The following ERC2 variants were observed in gnomAD, a reference collection of about 807,000 sequenced individuals.
ERC2 encodes ERC protein 2.
Under a neutral mutation model 114.8 loss-of-function variants are expected in ERC2, and 42 were observed. The observed-to-expected ratio is 0.37, with a 90% CI of 0.29 to 0.47. The LOEUF is 0.47. Ranked by LOEUF, ERC2 falls within the 20% of genes least tolerant of loss-of-function variation. The probability of loss-of-function intolerance (pLI) is 0.99; values close to 1 mark genes in which losing one functional copy is unlikely to be tolerated. For synonymous variants in ERC2, 454 were observed against 425.5 expected (o/e 1.07, Z -0.82); for missense variants, 939 against 1,150.7 (o/e 0.82, Z 2.66).
intron 17 of ERC2, among the ~76,000 whole-genome samples, chr3:55,628,121 T>C (rs1012557641): frequency 1.4e-4 from 22 of 152,212 alleles, no homozygotes; most frequent in Admixed American, 4.6e-4. Flanking sequence ...CCATTTTTCT[T>C]CCCAAGGAAG....
chr3:55,895,457 T>G (rs6445756), intron 13 of ERC2, among the ~76,000 whole-genome samples: 3,298 of 152,262 alleles, frequency 0.022, 118 homozygotes, highest in African/African-American at 0.075. Flanking sequence ...AGTGAAATAA[T>G]GCATGGAAAG....
intron 7 of ERC2, among the ~76,000 whole-genome samples, chr3:56,044,689 T>C (rs1027092830): frequency 2.0e-5 from 3 of 152,092 alleles, no homozygotes; most frequent in Non-Finnish European, 2.9e-5. Flanking sequence ...TAAGAAGAGA[T>C]AGCATTTCAA....
At chr3:55,640,759 C>G (rs952277428) in intron 17 of ERC2, among the ~76,000 whole-genome samples, 1 of 152,188 alleles carries the variant, frequency 6.6e-6, no homozygotes, top group African/African-American at 2.4e-5. Context: ...AGCCCTTCAA[C>G]TCCACAACAG....
intron 14 of ERC2, among the ~76,000 whole-genome samples, chr3:55,758,383 C>A (rs2067195421): frequency 6.6e-6 from 1 of 152,188 alleles, no homozygotes; most frequent in Non-Finnish European, 1.5e-5. Context: ...TGAGGAAGAT[C>A]CCCCAAACTC....
chr3:56,021,816 T>C (rs1404155507), intron 7 of ERC2, among the ~76,000 whole-genome samples: 7 of 152,204 alleles, frequency 4.6e-5, no homozygotes, highest in Non-Finnish European at 8.8e-5. Flanking sequence ...AGTAAGAACA[T>C]GTGGTATTTG....
At chr3:55,705,736 T>C (rs564320556) in intron 15 of ERC2, among the ~76,000 whole-genome samples, 13 of 152,288 alleles carry the variant, frequency 8.5e-5, no homozygotes, top group African/African-American at 2.9e-4. Flanking sequence ...AGAACACTGG[T>C]CGGACTCTCC....
At chr3:56,117,590 AGGACTCCCTCAAG>A (rs1389586880) in intron 6 of ERC2, among the ~76,000 whole-genome samples, 1 of 152,240 alleles carries the variant, frequency 6.6e-6, no homozygotes, top group Non-Finnish European at 1.5e-5. Flanking sequence ...TCAGGATAAG[AGGACTCCCTCAAG>A]GGGGTGTTGT....
intron 2 of ERC2, among the ~76,000 whole-genome samples, chr3:56,338,784 T>C (rs2057967953): frequency 6.6e-6 from 1 of 152,216 alleles, no homozygotes; most frequent in Non-Finnish European, 1.5e-5. Context: ...CACTGGGACA[T>C]TTAGGGAGAG....
rs76458627 is a variant in ERC2, at chr3:56,135,371, G to A, written c.1473+4138C>T. Among the ~76,000 whole-genome samples, 108 of 152,200 alleles carry A rather than the reference G, an allele frequency of 7.1e-4. 1 individual carries two copies. The East Asian group carries it at 0.015, about 21-fold the overall frequency. On this transcript the variant is annotated intron_variant, in intron 6 of 17. Coordinates refer to ENST00000288221, the MANE Select transcript of ERC2 (RefSeq NM_015576.3). ...TGACTCAATTGAAGTATAGAAGTCCGAGGTCTATAAATGCACATACCAAAA... is the reference window on the plus strand; with the variant it reads ...TGACTCAATTGAAGTATAGAAGTCCAAGGTCTATAAATGCACATACCAAAA...
intron 13 of ERC2, among the ~76,000 whole-genome samples, chr3:55,931,474 C>T (rs756913270): frequency 1.4e-4 from 21 of 152,172 alleles, no homozygotes; most frequent in Middle Eastern, 3.4e-3. Context: ...AAGCTGGAAA[C>T]GATCATTCTC....
intron 12 of ERC2, among the ~76,000 whole-genome samples, chr3:55,976,120 GT>G (rs1413936004): frequency 6.6e-6 from 1 of 152,134 alleles, no homozygotes; most frequent in Non-Finnish European, 1.5e-5. Flanking sequence ...CTTAACTCTG[GT>G]CATATTTTCC....
chr3:56,344,914 T>C (rs911297961), intron 2 of ERC2, among the ~76,000 whole-genome samples: 3 of 152,184 alleles, frequency 2.0e-5, no homozygotes, highest in Non-Finnish European at 4.4e-5. Context: ...GTTGGATGTG[T>C]CAATGAAAAC....
At chr3:56,268,103 C>T (rs774021298) in intron 3 of ERC2, among the ~76,000 whole-genome samples, 9 of 152,122 alleles carry the variant, frequency 5.9e-5, no homozygotes, top group Non-Finnish European at 8.8e-5. Flanking sequence ...CGATAAATGA[C>T]GGACCACATA....
chr3:55,720,275 G>A (rs1576301571), intron 15 of ERC2, among the ~76,000 whole-genome samples: 2 of 47,720 alleles, frequency 4.2e-5, no homozygotes, highest in Non-Finnish European at 7.9e-5. Context: ...CTATCTCTCT[G>A]CCCCTCCCTC....
At chr3:56,388,258 A>G (rs1376317638) in intron 2 of ERC2, among the ~76,000 whole-genome samples, 2 of 152,106 alleles carry the variant, frequency 1.3e-5, no homozygotes, top group African/African-American at 4.8e-5. Context: ...CAGATCCCTC[A>G]TGAATGTCTT....
At chr3:56,267,232 T>C (rs1163762484) in intron 3 of ERC2, among the ~76,000 whole-genome samples, 2 of 152,182 alleles carry the variant, frequency 1.3e-5, no homozygotes, top group African/African-American at 4.8e-5. Flanking sequence ...GATTTTTGAA[T>C]TTAGGATACT....
At chr3:55,637,787 G>A (rs979301406) in intron 17 of ERC2, among the ~76,000 whole-genome samples, 5 of 152,076 alleles carry the variant, frequency 3.3e-5, no homozygotes, top group Non-Finnish European at 7.4e-5. Context: ...TTACATATTT[G>A]TAGAATTTGT....
chr3:55,974,535 G>A (rs1340945177), intron 12 of ERC2, among the ~76,000 whole-genome samples: 1 of 152,192 alleles, frequency 6.6e-6, no homozygotes, highest in Non-Finnish European at 1.5e-5. Flanking sequence ...AATGATTCCT[G>A]GAACAGGCAT....
chr3:56,048,726 C>T (rs1264719807), intron 7 of ERC2, among the ~76,000 whole-genome samples: 2 of 152,210 alleles, frequency 1.3e-5, no homozygotes, highest in Non-Finnish European at 1.5e-5. Flanking sequence ...GTAACCTCTG[C>T]AGACCTGGTG....
Sources: gnomAD v4.1 joint callset for allele counts (sites outside exome capture counted in the v4.1 genomes callset) on GRCh38, gnomAD v4.1.1 for gene constraint, MANE v1.5 for transcripts, NCBI Gene and HGNC (gene_info 2026-07-23, HGNC 2026-07-21) for gene names.